The following ARHGAP8 variants were observed in gnomAD, a reference collection of about 807,000 sequenced individuals.
The protein encoded by ARHGAP8 is Rho GTPase activating protein 8, also known as rho GTPase-activating protein 8.
In ARHGAP8, 62 loss-of-function variants were observed where a neutral mutation model predicts 46.1. The ratio of observed to expected loss-of-function variants is 1.34; its 90% CI spans 1.10 to 1.66. The LOEUF is 1.66. Ranked by LOEUF, ARHGAP8 falls within the 40% of genes most tolerant of loss-of-function variation. ARHGAP8 has a pLI of 0.00. For missense variants in ARHGAP8, 923 were observed against 568.4 expected (o/e 1.62, Z -6.34); for synonymous variants, 375 against 243.1 (o/e 1.54, Z -5.05).
Position 44,825,487 on chromosome 22 carries a change from G to T in ARHGAP8, c.490G>T (p.Asp164Tyr), listed in dbSNP as rs1444748508. The T allele has an allele frequency of 3.1e-6, 5 of 1,612,886 alleles. No homozygotes were observed. The highest frequency in any genetic ancestry group is 1.1e-5 in the South Asian group (1 of 90,948). Residue 164 changes from aspartate (D) to tyrosine (Y), a missense_variant, in exon 7 of 12, where the codon GAT becomes TAT. By Grantham distance (160) the Asp-to-Tyr change is radical (BLOSUM62 -3). Coordinates refer to ENST00000356099, the MANE Select transcript of ARHGAP8 (RefSeq NM_181335.3). ...CAGCCTCTGTTGTGTCTACAGGTAC[G>T]ATGAGAAGCTCCAGAGCCTGCACGA... ...LVIPPEVLRYDEKLQSLHEGR... is the reference protein window; with the variant it reads ...LVIPPEVLRYYEKLQSLHEGR...
intron 1 of ARHGAP8, among the ~76,000 whole-genome samples, chr22:44,770,395 C>G (rs132463): frequency 6.6e-6 from 1 of 151,586 alleles, no homozygotes; most frequent in East Asian, 1.9e-4. Flanking sequence ...AAAAGGCCAA[C>G]CTTAGATTCT....
rs149923866 is a variant in ARHGAP8, at chr22:44,816,053, T to TG, written c.386+1299dup. 8.1e-3 allele frequency among the ~76,000 whole-genome samples: 1,240 copies of TG among 152,188 alleles called. 23 individuals carry two copies. The highest frequency in any genetic ancestry group is 0.029 in the African/African-American group (1,194 of 41,534). ...GAGGGCCTCCCTAGGATGAAGCCTC[T>TG]GGGGACAGGGAGGCGCATCCCTGGA... On this transcript the variant is annotated intron_variant, in intron 5 of 11. Transcript: ENST00000356099.
At chr22:44,766,492 G>C (rs1925578948) in intron 1 of ARHGAP8, among the ~76,000 whole-genome samples, 1 of 151,920 alleles carries the variant, frequency 6.6e-6, no homozygotes, top group African/African-American at 2.4e-5. Context: ...GTGTCTCTGT[G>C]TACGTGTGTC....
rs570822563 is a variant in ARHGAP8, at chr22:44,858,393, G to A, written c.878-1338G>A. 4.7e-5 allele frequency among the ~76,000 whole-genome samples: 7 copies of A among 149,132 alleles called. No homozygotes were observed. In the East Asian group the frequency reaches 1.4e-3, roughly 30 times the overall value. On this transcript the variant is annotated intron_variant, in intron 10 of 11. Coordinates refer to ENST00000356099, the MANE Select transcript of ARHGAP8 (RefSeq NM_181335.3). ...GGTTTTTTTTTTTTTTTGAGATGGA[G>A]TTTCACTCTTGTTGCCCAGGCTGGA...
chr22:44,764,291 G>A (rs1925380184), intron 1 of ARHGAP8, among the ~76,000 whole-genome samples: 1 of 152,158 alleles, frequency 6.6e-6, no homozygotes, highest in African/African-American at 2.4e-5. Context: ...GGTAGCAAAT[G>A]CTGGAAAAAT....
At chr22:44,850,270 T>C (rs2147170271) in intron 10 of ARHGAP8, 1 of 152,340 alleles carries the variant, frequency 6.6e-6, no homozygotes, top group African/African-American at 2.4e-5. Context: ...ATGAAAGATG[T>C]TGAGGGCTGA....
At chr22:44,859,895 C>A (rs111353367) in intron 11 of ARHGAP8, 61 bp downstream of exon 11, 6 of 1,570,088 alleles carry the variant, frequency 3.8e-6, no homozygotes, top group African/African-American at 2.7e-5. Context: ...CATGCTGGGC[C>A]CGCATGGACC....
At chr22:44,825,685 T>C in intron 7 of ARHGAP8, 92 bp downstream of exon 7, 1 of 1,416,472 alleles carries the variant, frequency 7.1e-7, no homozygotes, top group Admixed American at 2.3e-5. Context: ...CCCCAGACGT[T>C]TGTCTCCAGC....
chr22:44,845,738 C>T (rs2069937997), intron 8 of ARHGAP8, among the ~76,000 whole-genome samples: 1 of 152,230 alleles, frequency 6.6e-6, no homozygotes, highest in Non-Finnish European at 1.5e-5. Flanking sequence ...CTTTGATTTG[C>T]AGATACCATT....
chr22:44,829,305 A>G (rs1930772348), intron 7 of ARHGAP8, among the ~76,000 whole-genome samples: 1 of 151,720 alleles, frequency 6.6e-6, no homozygotes, highest in Admixed American at 6.6e-5. Context: ...AAGAAAAAAA[A>G]AAAAGAAAAA....
At chr22:44,857,263 G>T (rs1031455875) in intron 10 of ARHGAP8, among the ~76,000 whole-genome samples, 1 of 152,012 alleles carries the variant, frequency 6.6e-6, no homozygotes, top group African/African-American at 2.4e-5. Flanking sequence ...CTTTCTTTTG[G>T]CCGGCTCTAC....
At chr22:44,789,852 T>C (rs1471574578) in intron 2 of ARHGAP8, among the ~76,000 whole-genome samples, 1 of 152,192 alleles carries the variant, frequency 6.6e-6, no homozygotes, top group Non-Finnish European at 1.5e-5. Flanking sequence ...CCGATTTTTC[T>C]GATACTAATA....
At chr22:44,849,210 GGTT>G (rs1429527103) in intron 10 of ARHGAP8, 150 bp downstream of exon 10, 1 of 1,443,276 alleles carries the variant, frequency 6.9e-7, no homozygotes, top group Non-Finnish European at 9.3e-7. Flanking sequence ...CAAGAGAGGG[GGTT>G]GTTGGGGCTG....
chr22:44,844,401 C>T (rs1315980727), intron 7 of ARHGAP8, among the ~76,000 whole-genome samples: 1 of 152,200 alleles, frequency 6.6e-6, no homozygotes, highest in Non-Finnish European at 1.5e-5. Flanking sequence ...TTGATAATTA[C>T]ATTAAGTCTA....
intron 7 of ARHGAP8, among the ~76,000 whole-genome samples, chr22:44,837,350 A>G (rs1931356860): frequency 6.6e-6 from 1 of 152,218 alleles, no homozygotes; most frequent in Non-Finnish European, 1.5e-5. Flanking sequence ...TGGGTGGACG[A>G]CTGTCGGAAA....
intron 5 of ARHGAP8, among the ~76,000 whole-genome samples, chr22:44,820,619 C>T (rs111353765): frequency 0.02 from 3,068 of 152,248 alleles, 43 homozygotes; most frequent in Middle Eastern, 0.051. Flanking sequence ...GCAGGCCCCG[C>T]TTTCCTCCCT....
intron 7 of ARHGAP8, among the ~76,000 whole-genome samples, chr22:44,826,654 G>C (rs565755298): frequency 6.6e-6 from 1 of 152,272 alleles, no homozygotes; most frequent in East Asian, 1.9e-4. Context: ...TCGAACTCCT[G>C]ACCTCAAGCG....
At chr22:44,836,559 A>G (rs201216523) in intron 7 of ARHGAP8, among the ~76,000 whole-genome samples, 1 of 106,866 alleles carries the variant, frequency 9.4e-6, no homozygotes, top group African/African-American at 3.0e-5. Flanking sequence ...GGTCCTCAGT[A>G]CACAGTAGGT....
intron 6 of ARHGAP8, 114 bp from the exon 7 acceptor site, chr22:44,825,369 A>T (rs1930433850): frequency 9.0e-7 from 1 of 1,107,432 alleles, no homozygotes; most frequent in Admixed American, 2.7e-5. Flanking sequence ...ACGTGCGCCC[A>T]GAGGGATGAG....
Sources: allele counts gnomAD v4.1 joint callset (sites outside exome capture counted in the v4.1 genomes callset), GRCh38; gene constraint gnomAD v4.1.1; transcripts MANE v1.5; gene names NCBI Gene and HGNC (gene_info 2026-07-23, HGNC 2026-07-21).